NOS1AP: variants seen among roughly 807,000 people sequenced by gnomAD.
NOS1AP encodes carboxyl-terminal PDZ ligand of neuronal nitric oxide synthase protein.
A neutral mutation model predicts 56.2 loss-of-function variants in NOS1AP; 21 were observed. The ratio of observed to expected loss-of-function variants is 0.37; its 90% CI spans 0.26 to 0.54. The LOEUF is 0.54. Ranked by LOEUF, NOS1AP falls within the 20% of genes least tolerant of loss-of-function variation. NOS1AP has a pLI of 0.84. For synonymous variants in NOS1AP, 270 were observed against 274.6 expected, an observed-to-expected ratio of 0.98 and a Z score of 0.17; for missense variants, 522 against 657.8, an observed-to-expected ratio of 0.79 and a Z score of 2.26.
intron 2 of NOS1AP, among the ~76,000 whole-genome samples, chr1:162,195,904 C>G (rs1017600045): frequency 4.6e-5 from 7 of 152,162 alleles, no homozygotes; most frequent in Non-Finnish European, 1.0e-4. Context: ...CGTTGATTGT[C>G]CCTACCCATT....
intron 2 of NOS1AP, among the ~76,000 whole-genome samples, chr1:162,257,928 C>T (rs1006510653): frequency 5.9e-5 from 9 of 152,096 alleles, no homozygotes; most frequent in African/African-American, 1.2e-4. Context: ...GGACATTTCC[C>T]GCTTTGAGCA....
chr1:162,279,789 C>T (rs1654860536), intron 2 of NOS1AP, among the ~76,000 whole-genome samples: 1 of 152,130 alleles, frequency 6.6e-6, no homozygotes, highest in African/African-American at 2.4e-5. Flanking sequence ...AATTTTATTT[C>T]CTGGAGCCAT....
chr1:162,109,182 G>A (rs1043027038), intron 1 of NOS1AP, among the ~76,000 whole-genome samples: 52 of 152,270 alleles, frequency 3.4e-4, no homozygotes, highest in African/African-American at 1.2e-3. Context: ...ACATATGGGG[G>A]TTATTACAGT....
chr1:162,364,875 T>C, intron 8 of NOS1AP: 1 of 992,942 alleles, frequency 1.0e-6, no homozygotes, highest in Non-Finnish European at 1.2e-6. Flanking sequence ...TTTGGGTGAG[T>C]GGGAGAGGGA....
chr1:162,335,595 A>G (rs1656912660), intron 5 of NOS1AP, among the ~76,000 whole-genome samples: 1 of 152,174 alleles, frequency 6.6e-6, no homozygotes, highest in Non-Finnish European at 1.5e-5. Flanking sequence ...TATAGAGGAC[A>G]TGTGTGTTGC....
At chr1:162,241,657 G>T (rs1355241573) in intron 2 of NOS1AP, among the ~76,000 whole-genome samples, 1 of 152,156 alleles carries the variant, frequency 6.6e-6, no homozygotes, top group East Asian at 1.9e-4. Flanking sequence ...GAGAGAATCT[G>T]CACTCCCCCT....
chr1:162,125,108 C>T (rs1268216091), intron 1 of NOS1AP, among the ~76,000 whole-genome samples: 1 of 149,488 alleles, frequency 6.7e-6, no homozygotes, highest in Non-Finnish European at 1.5e-5. Context: ...CACATCCATG[C>T]CAACATCTAT....
chr1:162,110,459 C>G (rs1276963580), intron 1 of NOS1AP, among the ~76,000 whole-genome samples: 1 of 152,126 alleles, frequency 6.6e-6, no homozygotes, highest in African/African-American at 2.4e-5. Flanking sequence ...ATTTGTTCCT[C>G]CTTACCTTAC....
intron 2 of NOS1AP, among the ~76,000 whole-genome samples, chr1:162,218,774 A>C (rs1048345006): frequency 1.3e-5 from 2 of 151,910 alleles, no homozygotes; most frequent in African/African-American, 2.4e-5. Flanking sequence ...TTCCAGCCCC[A>C]CTCACTGCTT....
rs74499907 is a variant in NOS1AP at position 162,078,401 on chromosome 1, C to T, written c.105+8119C>T. Among the ~76,000 whole-genome samples, 88 of 152,294 alleles carry T rather than the reference C, an allele frequency of 5.8e-4. 1 individual carries two copies. The East Asian group carries it at 9.3e-3, about 16-fold the overall frequency. ...GTATTCTTTGATTTAACAGCCAACT[C>T]AAATTTGCTGTTTACTGGGTACCTA... On this transcript the variant is annotated intron_variant, in intron 1 of 9. Coordinates refer to ENST00000361897, the MANE Select transcript of NOS1AP (RefSeq NM_014697.3).
chr1:162,224,929 G>A (rs1571142151), intron 2 of NOS1AP, among the ~76,000 whole-genome samples: 2 of 152,150 alleles, frequency 1.3e-5, no homozygotes, highest in East Asian at 1.9e-4. Flanking sequence ...CAGGGCCCCC[G>A]GGAAGTCTTA....
intron 1 of NOS1AP, among the ~76,000 whole-genome samples, chr1:162,104,195 G>A (rs1013586731): frequency 2.0e-5 from 3 of 152,130 alleles, no homozygotes; most frequent in African/African-American, 7.2e-5. Context: ...TGAAATTCTG[G>A]GTTGGAAATT....
At chr1:162,325,669 A>T (rs573917202) in intron 4 of NOS1AP, among the ~76,000 whole-genome samples, 1 of 152,054 alleles carries the variant, frequency 6.6e-6, no homozygotes, top group South Asian at 2.1e-4. Flanking sequence ...CAGCAGGTTG[A>T]TTCTGTTTTC....
rs369626300 is a variant in NOS1AP at position 162,083,379 on chromosome 1, A to C, written c.105+13097A>C. Among the ~76,000 whole-genome samples the C allele has an allele frequency of 7.2e-5, 11 of 152,300 alleles. No homozygotes were observed. In the South Asian group the frequency reaches 1.7e-3, roughly 23 times the overall value. ...CATGCTATTTTCCATAAACACACAT[A>C]GCCTCCACTGTAACTACATTTTCAA... On this transcript the variant is annotated intron_variant, in intron 1 of 9. Transcript: ENST00000361897.
intron 2 of NOS1AP, among the ~76,000 whole-genome samples, chr1:162,227,997 T>C (rs1290681845): frequency 6.6e-6 from 1 of 152,118 alleles, no homozygotes; most frequent in Non-Finnish European, 1.5e-5. Flanking sequence ...TGTTAAATAA[T>C]AGGCCAATAT....
intron 6 of NOS1AP, among the ~76,000 whole-genome samples, chr1:162,349,158 G>A (rs1182530804): frequency 6.6e-6 from 1 of 151,394 alleles, no homozygotes; most frequent in African/African-American, 2.4e-5. Context: ...TTACACTCCA[G>A]CCTGGGCAAC....
rs534969760 is a variant in NOS1AP, at chr1:162,261,411, TCCAGGTGGGC to T, written c.178-25932_178-25923del. On this transcript the variant is annotated intron_variant, in intron 2 of 9. Coordinates refer to ENST00000361897, the MANE Select transcript of NOS1AP (RefSeq NM_014697.3). ...TGAGATGGGAGATTACCCTGCATTA[TCCAGGTGGGC>T]TCAATCTAATCACAAGAGTCCTTAT... Among the ~76,000 whole-genome samples, 929 of 125,532 alleles carry T rather than the reference TCCAGGTGGGC, an allele frequency of 7.4e-3. 161 individuals are homozygous for T. Among genetic ancestry groups the T allele is most frequent in the African/African-American group, 0.029 (878 of 30,738 alleles). 82.4% of individuals were successfully genotyped at this position (125,532 alleles called of 152,430 possible). A position where few individuals can be genotyped will look rare whatever the true frequency, so the allele number is the denominator to read the frequency against.
chr1:162,139,987 G>C (rs578178277), intron 1 of NOS1AP, among the ~76,000 whole-genome samples: 1 of 151,956 alleles, frequency 6.6e-6, no homozygotes, highest in Non-Finnish European at 1.5e-5. Context: ...ACCACCACAC[G>C]CAGCTAATTT....
intron 2 of NOS1AP, among the ~76,000 whole-genome samples, chr1:162,220,940 C>T (rs1458693510): frequency 1.3e-5 from 2 of 152,074 alleles, no homozygotes; most frequent in African/African-American, 2.4e-5. Context: ...ATCCTTTACA[C>T]ATTATTTTTA....
Sources: gnomAD v4.1 joint callset for allele counts (sites outside exome capture counted in the v4.1 genomes callset) on GRCh38, gnomAD v4.1.1 for gene constraint, MANE v1.5 for transcripts, NCBI Gene and HGNC (gene_info 2026-07-23, HGNC 2026-07-21) for gene names.